Variants in ODR4 observed in about 807,000 individuals in gnomAD.
The protein encoded by ODR4 is protein odr-4 homolog.
Under a neutral mutation model 60.2 loss-of-function variants are expected in ODR4, and 47 were observed. The observed-to-expected ratio is 0.78, with a 90% CI of 0.62 to 1.00. The LOEUF is 1.00. ODR4 is among the 50% of genes least tolerant of loss of function. The pLI, the probability that ODR4 is intolerant of heterozygous loss-of-function variation, is 0.00. For missense variants in ODR4, 488 were observed against 530.8 expected (o/e 0.92, Z 0.79); for synonymous variants, 178 against 175.5 (o/e 1.01, Z -0.11).
chr1:186,395,895 C>T (rs1383259164), intron 9 of ODR4, among the ~76,000 whole-genome samples: 11 of 152,134 alleles, frequency 7.2e-5, no homozygotes, highest in Admixed American at 5.9e-4. Flanking sequence ...GTGTTCTGTA[C>T]TGACTAGTTA....
At chr1:186,384,495 GTAAAGT>G (rs1660169628) in intron 3 of ODR4, among the ~76,000 whole-genome samples, 1 of 151,340 alleles carries the variant, frequency 6.6e-6, no homozygotes, top group South Asian at 2.1e-4. Context: ...ATTAAGTAAT[GTAAAGT>G]TAAATTCCCA....
rs997368168 is a variant in ODR4 at position 186,375,898 on chromosome 1, T to C, written c.-96T>C. On this transcript the variant is annotated 5_prime_UTR_variant, in exon 1 of 14. Coordinates refer to ENST00000287859, the MANE Select transcript of ODR4 (RefSeq NM_017847.6). ...AATCTGGCCCCTAGAGGCTGGTACT[T>C]GGGCCCGAAACCCCCATCTCCGGCG... 1.5e-5 allele frequency: 3 copies of C among 206,706 alleles called. No individual in the cohort carries two copies. Among genetic ancestry groups the C allele is most frequent in the African/African-American group, 6.8e-5 (3 of 44,120 alleles). 12.8% of individuals were successfully genotyped at this position (206,706 alleles called of 1,614,324 possible).
chr1:186,376,550 CT>C (rs1232523063), intron 1 of ODR4, among the ~76,000 whole-genome samples: 1 of 152,058 alleles, frequency 6.6e-6, no homozygotes, highest in African/African-American at 2.4e-5. Context: ...GAAATTTATT[CT>C]TTTTCTCTAG....
intron 8 of ODR4, among the ~76,000 whole-genome samples, 198 bp downstream of exon 8, chr1:186,391,989 C>G (rs907614774): frequency 1.3e-5 from 2 of 152,062 alleles, no homozygotes; most frequent in African/African-American, 4.8e-5. Flanking sequence ...TGAACAGACA[C>G]TTTTCAAAAG....
chr1:186,383,123 G>A lies in ODR4; in HGVS notation c.201G>A (p.Leu67=), dbSNP rs1333520093. ...LKHPKAKLDN[L]DEEWATEHAC... ...ATCCCAAAGCTAAGTTGGATAACTT[G>A]GATGAAGAATGGGCCACAGAACATG... The change falls in exon 3 of 14, where the codon TTG becomes TTA. Residue 67 remains leucine, a synonymous_variant. Coordinates refer to ENST00000287859, the MANE Select transcript of ODR4 (RefSeq NM_017847.6). The A allele has an allele frequency of 1.3e-6, 2 of 1,555,646 alleles. No individual in the cohort carries two copies. The highest frequency in any genetic ancestry group is 1.4e-5 in the African/African-American group (1 of 73,268).
At chr1:186,383,450 C>T (rs1168764465) in intron 3 of ODR4, among the ~76,000 whole-genome samples, 2 of 151,864 alleles carry the variant, frequency 1.3e-5, no homozygotes, top group East Asian at 1.9e-4. Flanking sequence ...AGAATTATTT[C>T]CTTTTCTGGG....
intron 11 of ODR4, among the ~76,000 whole-genome samples, chr1:186,405,703 C>T (rs1661145932): frequency 6.6e-6 from 1 of 152,154 alleles, no homozygotes; most frequent in Non-Finnish European, 1.5e-5. Flanking sequence ...AGGCACCTGC[C>T]ACCACGCCTG....
At chr1:186,398,540 C>A in intron 10 of ODR4, 99 bp downstream of exon 10, 1 of 1,194,006 alleles carries the variant, frequency 8.4e-7, no homozygotes, top group Non-Finnish European at 1.1e-6. Context: ...ATTATTAATT[C>A]GATTTTAACT....
At chr1:186,394,187 T>A (rs1571676425) in intron 9 of ODR4, among the ~76,000 whole-genome samples, 172 bp downstream of exon 9, 1 of 152,128 alleles carries the variant, frequency 6.6e-6, no homozygotes, top group East Asian at 1.9e-4. Flanking sequence ...TAATAAAACC[T>A]GTTTGGGTTT....
chr1:186,424,567 A>G (rs1278454210), downstream of ODR4, among the ~76,000 whole-genome samples: 2 of 151,734 alleles, frequency 1.3e-5, no homozygotes, highest in African/African-American at 4.8e-5. Context: ...AATAACAACC[A>G]TTTCACTTGC....
intron 12 of ODR4, among the ~76,000 whole-genome samples, chr1:186,409,967 A>G (rs917293707): frequency 4.6e-5 from 7 of 152,226 alleles, no homozygotes; most frequent in African/African-American, 1.7e-4. Context: ...CTGTTCTTCT[A>G]TAATACTTTA....
intron 12 of ODR4, among the ~76,000 whole-genome samples, chr1:186,408,675 ATTG>A (rs1054207611): frequency 6.7e-5 from 10 of 150,334 alleles, no homozygotes; most frequent in South Asian, 6.3e-4. Flanking sequence ...ACAAAAATGT[ATTG>A]TTTTCTTATA....
chr1:186,430,002 A>G, the ODR4 span, among the ~76,000 whole-genome samples: 1 of 152,064 alleles, frequency 6.6e-6, no homozygotes, highest in African/African-American at 2.4e-5. Context: ...TAGAAGTTAC[A>G]GTTGTTTGTT....
At chr1:186,426,343 C>T (rs1277533645), downstream of ODR4, among the ~76,000 whole-genome samples, 1 of 152,222 alleles carries the variant, frequency 6.6e-6, no homozygotes, top group Non-Finnish European at 1.5e-5. Context: ...AGTTGGGTGG[C>T]CCTGCTCCAC....
At chr1:186,397,553 C>T (rs1295019752) in intron 9 of ODR4, among the ~76,000 whole-genome samples, 2 of 152,002 alleles carry the variant, frequency 1.3e-5, no homozygotes, top group Non-Finnish European at 2.9e-5. Context: ...GAATACATAC[C>T]AGTTGAGCAT....
downstream of ODR4, among the ~76,000 whole-genome samples, chr1:186,424,728 A>C (rs1462567819): frequency 6.6e-6 from 1 of 151,884 alleles, no homozygotes; most frequent in South Asian, 2.1e-4. Context: ...ATCAGCTGGG[A>C]ATTCAGCTGC....
At chr1:186,408,628 A>T (rs1661258456) in intron 12 of ODR4, among the ~76,000 whole-genome samples, 2 of 150,002 alleles carry the variant, frequency 1.3e-5, no homozygotes, top group South Asian at 4.1e-4. Context: ...ATATGTTTAT[A>T]TGAATATGTT....
chr1:186,383,590 T>C (rs1053962131), intron 3 of ODR4, among the ~76,000 whole-genome samples: 1 of 151,858 alleles, frequency 6.6e-6, no homozygotes, highest in Non-Finnish European at 1.5e-5. Flanking sequence ...AAAAAGAATT[T>C]TCTTTAATAA....
intron 12 of ODR4, among the ~76,000 whole-genome samples, chr1:186,408,495 A>G (rs1395960147): frequency 6.7e-6 from 1 of 150,360 alleles, no homozygotes; most frequent in Admixed American, 6.7e-5. Context: ...ATTTATGTTT[A>G]TATAAACATA....
Sources: allele counts gnomAD v4.1 joint callset (sites outside exome capture counted in the v4.1 genomes callset), GRCh38; gene constraint gnomAD v4.1.1; transcripts MANE v1.5; gene names NCBI Gene and HGNC (gene_info 2026-07-23, HGNC 2026-07-21).